The following FOCAD variants were observed in gnomAD, a reference collection of about 807,000 sequenced individuals.
The protein encoded by FOCAD is focadhesin, also known as KIAA1797.
FOCAD carries 198 observed loss-of-function variants against 225.6 expected under a neutral mutation model. The observed-to-expected ratio is 0.88, with a 90% confidence interval of 0.78 to 0.99. The LOEUF (loss-of-function observed/expected upper bound fraction) is 0.99. FOCAD is among the 50% of genes least tolerant of loss of function. The probability of loss-of-function intolerance (pLI) is 0.00; values close to 1 mark genes in which losing one functional copy is unlikely to be tolerated. For synonymous variants in FOCAD, 897 were observed against 755.0 expected, an observed-to-expected ratio of 1.19 and a Z score of -3.08; for missense variants, 2,713 against 2,123.6, an observed-to-expected ratio of 1.28 and a Z score of -5.46.
intron 15 of FOCAD, among the ~76,000 whole-genome samples, chr9:20,856,226 G>A (rs954691057): frequency 2.0e-5 from 3 of 151,836 alleles, no homozygotes; most frequent in African/African-American, 7.3e-5. Context: ...CAGTGTACGA[G>A]GGTTCCCCTT....
At chr9:20,948,173 GT>G in intron 30 of FOCAD, 97 bp from the exon 31 acceptor site, 2 of 1,134,152 alleles carry the variant, frequency 1.8e-6, no homozygotes, top group Non-Finnish European at 2.4e-6. Flanking sequence ...CATTAGGAAA[GT>G]TAGCACTAAA....
intron 5 of FOCAD, among the ~76,000 whole-genome samples, chr9:20,755,635 T>G (rs548294939): frequency 3.3e-5 from 5 of 152,228 alleles, no homozygotes; most frequent in African/African-American, 9.6e-5. Flanking sequence ...GTGTGATAAC[T>G]TGTTGAGTTT....
intron 15 of FOCAD, among the ~76,000 whole-genome samples, chr9:20,824,633 C>T (rs1459157686): frequency 6.6e-6 from 1 of 152,022 alleles, no homozygotes; most frequent in Non-Finnish European, 1.5e-5. Flanking sequence ...CACTAGTGTA[C>T]ATAATATATA....
chr9:20,726,836 T>C (rs933720171), intron 4 of FOCAD, among the ~76,000 whole-genome samples: 72 of 152,302 alleles, frequency 4.7e-4, no homozygotes, highest in African/African-American at 1.7e-3. Context: ...GCAACTGTAT[T>C]CATATCTTGT....
At position 20,746,289 on chromosome 9, in the gene FOCAD, G is replaced by A. The variant is rs541760881; in HGVS notation, c.392+5949G>A. ...CAGAGGAAGGAAAAGCAAGTGCCTA[G>A]AAGCTTGGCACATGAGAGGAACTAA... On this transcript the variant is annotated intron_variant, in intron 5 of 43. Coordinates refer to ENST00000338382, the MANE Select transcript of FOCAD (RefSeq NM_001375567.1). Among the ~76,000 whole-genome samples the A allele has an allele frequency of 2.6e-5, 4 of 152,290 alleles. No individual in the cohort carries two copies. In the East Asian group the frequency reaches 7.7e-4, roughly 29 times the overall value.
intron 7 of FOCAD, among the ~76,000 whole-genome samples, chr9:20,768,997 A>C (rs923408978): frequency 7.2e-5 from 11 of 152,298 alleles, no homozygotes; most frequent in Admixed American, 7.2e-4. Flanking sequence ...TTAGAAATGT[A>C]CACATAAATG....
chr9:20,942,890 T>C (rs1836810289), intron 28 of FOCAD, among the ~76,000 whole-genome samples: 1 of 152,230 alleles, frequency 6.6e-6, no homozygotes, highest in Non-Finnish European at 1.5e-5. Flanking sequence ...TTAAAGAGGC[T>C]CTCTGCTGGG....
intron 1 of FOCAD, among the ~76,000 whole-genome samples, chr9:20,707,969 A>G (rs1355954334): frequency 1.3e-5 from 2 of 152,226 alleles, no homozygotes; most frequent in Non-Finnish European, 2.9e-5. Context: ...GGGACTGGGA[A>G]GCAGTAGATG....
At chr9:20,904,685 A>G (rs533159911) in intron 21 of FOCAD, among the ~76,000 whole-genome samples, 1 of 152,148 alleles carries the variant, frequency 6.6e-6, no homozygotes, top group South Asian at 2.1e-4. Flanking sequence ...GAGTATGAGT[A>G]GTTATAGAAA....
intron 4 of FOCAD, among the ~76,000 whole-genome samples, chr9:20,734,285 G>A (rs1480878731): frequency 1.3e-5 from 2 of 152,116 alleles, no homozygotes; most frequent in Non-Finnish European, 2.9e-5. Flanking sequence ...GTTTCTGCTA[G>A]GATATAGAGA....
intron 8 of FOCAD, among the ~76,000 whole-genome samples, chr9:20,770,486 C>T (rs1301416980): frequency 6.6e-6 from 1 of 152,134 alleles, no homozygotes; most frequent in South Asian, 2.1e-4. Flanking sequence ...CGAGATACTA[C>T]ACGCTTTTAA....
In FOCAD at chr9:20,949,622, C is replaced by G. The variant is rs1039627688; in HGVS notation, c.3895C>G (p.Gln1299Glu). The G allele has an allele frequency of 4.3e-6, 7 of 1,613,162 alleles. No homozygotes were observed. The highest frequency in any genetic ancestry group is 5.9e-6 in the Non-Finnish European group (7 of 1,179,354). ...CTTTCAGCTGAAATCAGAAGCCATC[C>G]AGACCTCTCATTTTCAAGGCAGACT... Reference protein sequence around the residue: ...DVMQLKSEAIQTSHFQGRLNE... With the variant: ...DVMQLKSEAIETSHFQGRLNE... The change falls in exon 33 of 44, where the codon CAG (glutamine) becomes GAG (glutamate). Residue 1299 changes from glutamine (Q) to glutamate (E), a missense_variant. By Grantham distance (29) the Gln-to-Glu change is conservative (BLOSUM62 2). Coordinates refer to ENST00000338382, the MANE Select transcript of FOCAD (RefSeq NM_001375567.1).
rs1454127234 is a variant in FOCAD, at chr9:20,981,668, C to T, written c.4620C>T (p.Leu1540=). 8 of 1,608,914 alleles carry T rather than the reference C, an allele frequency of 5.0e-6. No individual in the cohort carries two copies. Among genetic ancestry groups the T allele is most frequent in the Non-Finnish European group, 6.8e-6 (8 of 1,178,098 alleles). The part of the protein sequence containing the change: ...LSEATGKIFD[L]LPNKIRRKDL... ...AAGCTACTGGGAAAATTTTTGACCT[C>T]CTGCCAAATAAGATTCGGGTGAGGA... The change falls in exon 38 of 44, where the codon CTC becomes CTT. Residue 1540 remains leucine, a synonymous_variant. Coordinates refer to ENST00000338382, the MANE Select transcript of FOCAD (RefSeq NM_001375567.1).
At chr9:20,878,775 T>C (rs1343715167) in intron 19 of FOCAD, among the ~76,000 whole-genome samples, 1 of 152,190 alleles carries the variant, frequency 6.6e-6, no homozygotes, top group Non-Finnish European at 1.5e-5. Flanking sequence ...TCTGGTAGTG[T>C]GGCTCCATTC....
chr9:20,849,550 T>C (rs565955394), intron 15 of FOCAD, among the ~76,000 whole-genome samples: 15 of 152,068 alleles, frequency 9.9e-5, no homozygotes, highest in Middle Eastern at 3.4e-3. Flanking sequence ...TTGAACTCTT[T>C]ATTATTTGCT....
chr9:20,920,237 G>T (rs1266560791), intron 24 of FOCAD, among the ~76,000 whole-genome samples: 1 of 148,666 alleles, frequency 6.7e-6, no homozygotes, highest in Admixed American at 6.7e-5. Flanking sequence ...GGCCATCAGA[G>T]AAATGCAAAT....
intron 30 of FOCAD, 69 bp from the exon 31 acceptor site, chr9:20,948,198 CTATT>C: frequency 7.4e-7 from 1 of 1,346,576 alleles, no homozygotes; most frequent in Non-Finnish European, 1.0e-6. Flanking sequence ...GTTTATGTTG[CTATT>C]TATAAACATT....
At position 20,881,864 on chromosome 9, in the gene FOCAD, C is replaced by A; in HGVS notation, c.2318-7C>A. ...TCTACTTTTGGTCTCCTTTTATCCTCTTTTAGCTTTGGAGGAATTTTTTAC... is the reference window on the plus strand; with the variant it reads ...TCTACTTTTGGTCTCCTTTTATCCTATTTTAGCTTTGGAGGAATTTTTTAC... On this transcript the variant is annotated splice_region_variant and splice_polypyrimidine_tract_variant and intron_variant, in intron 19 of 43. Transcript: ENST00000338382. The A allele has an allele frequency of 6.2e-7, 1 of 1,611,936 alleles. No individual in the cohort carries two copies.
intron 4 of FOCAD, among the ~76,000 whole-genome samples, chr9:20,729,244 G>T (rs952876313): frequency 5.3e-5 from 8 of 152,150 alleles, no homozygotes; most frequent in African/African-American, 1.9e-4. Context: ...GGCTCTGTGG[G>T]GGAATCTGTT....
Sources: gnomAD v4.1 joint callset for allele counts (sites outside exome capture counted in the v4.1 genomes callset) on GRCh38, gnomAD v4.1.1 for gene constraint, MANE v1.5 for transcripts, NCBI Gene and HGNC (gene_info 2026-07-23, HGNC 2026-07-21) for gene names.